Variants in PDE4D observed in about 807,000 individuals in gnomAD.
PDE4D encodes the protein 3',5'-cyclic-AMP phosphodiesterase 4D.
PDE4D carries 24 observed loss-of-function variants against 87.4 expected under a neutral mutation model. The ratio of observed to expected loss-of-function variants is 0.27; its 90% confidence interval spans 0.20 to 0.39. The LOEUF (loss-of-function observed/expected upper bound fraction) is 0.39, where lower values mean the gene tolerates loss of function less well. PDE4D is among the 10% of genes least tolerant of loss of function. The pLI is 1.00. For missense variants in PDE4D, 714 were observed against 1,041.0 expected (o/e 0.69, Z 4.32); for synonymous variants, 384 against 383.2 (o/e 1.00, Z -0.02).
intron 1 of PDE4D, among the ~76,000 whole-genome samples, chr5:59,296,799 G>A (rs533536450): frequency 1.9e-4 from 29 of 151,522 alleles, no homozygotes; most frequent in East Asian, 1.7e-3. Context: ...ACACACACAC[G>A]CGTGCATGCA....
chr5:59,447,044 A>C (rs752815391), intron 1 of PDE4D, among the ~76,000 whole-genome samples: 6 of 152,250 alleles, frequency 3.9e-5, no homozygotes, highest in Admixed American at 2.6e-4. Context: ...AATGAGGGTC[A>C]GACTGGTCAG....
At chr5:59,914,462 C>A (rs1364974774) in intron 3 of PDE4D, among the ~76,000 whole-genome samples, 4 of 151,444 alleles carry the variant, frequency 2.6e-5, no homozygotes, top group African/African-American at 9.7e-5. Flanking sequence ...TGGGGCAGGG[C>A]AAGACAACTA....
At chr5:60,086,766 A>G (rs1475573987) in intron 2 of PDE4D, among the ~76,000 whole-genome samples, 2 of 152,272 alleles carry the variant, frequency 1.3e-5, no homozygotes, top group Non-Finnish European at 2.9e-5. Context: ...CAGTCCCATC[A>G]TATGGGAACC....
At chr5:59,027,137 T>G (rs573803473) in intron 6 of PDE4D, among the ~76,000 whole-genome samples, 1 of 152,310 alleles carries the variant, frequency 6.6e-6, no homozygotes, top group East Asian at 1.9e-4. Context: ...GGAGTACTGG[T>G]CAAATACTGG....
At chr5:59,870,158 T>C (rs981273595) in intron 1 of PDE4D, among the ~76,000 whole-genome samples, 2 of 152,218 alleles carry the variant, frequency 1.3e-5, no homozygotes, top group African/African-American at 4.8e-5. Context: ...AAGGAACATT[T>C]CTTCTTTTGC....
intron 2 of PDE4D, among the ~76,000 whole-genome samples, chr5:60,061,910 T>C (rs1582449988): frequency 6.6e-6 from 1 of 151,964 alleles, no homozygotes; most frequent in Non-Finnish European, 1.5e-5. Flanking sequence ...TATACAAAAA[T>C]CAACTCAAGA....
intron 1 of PDE4D, among the ~76,000 whole-genome samples, chr5:59,239,277 T>G (rs1425748213): frequency 6.6e-6 from 1 of 152,218 alleles, no homozygotes; most frequent in African/African-American, 2.4e-5. Context: ...TTGGCAACAC[T>G]GATCACGTTG....
chr5:60,002,183 A>G (rs1472352257), intron 2 of PDE4D, among the ~76,000 whole-genome samples: 1 of 152,034 alleles, frequency 6.6e-6, no homozygotes, highest in Non-Finnish European at 1.5e-5. Context: ...AGCCTTAAGG[A>G]TACACATAGG....
chr5:58,992,124 A>AGGAAACTTTTT, intron 7 of PDE4D, 120 bp from the exon 8 acceptor site: 1 of 673,322 alleles, frequency 1.5e-6, no homozygotes, highest in Non-Finnish European at 2.2e-6. Context: ...TCCAACTAAA[A>AGGAAACTTTTT]AGTTTCCTTT....
At chr5:59,039,240 A>G in intron 5 of PDE4D, 2 of 1,236,572 alleles carry the variant, frequency 1.6e-6, no homozygotes, top group Non-Finnish European at 2.0e-6. Context: ...CGGCGAGCCA[A>G]CTTTCACACA....
intron 6 of PDE4D, among the ~76,000 whole-genome samples, chr5:59,025,551 T>C (rs758463112): frequency 1.2e-4 from 18 of 152,200 alleles, no homozygotes; most frequent in Non-Finnish European, 1.8e-4. Context: ...TCCTTCTCTA[T>C]TGGGTTTGGA....
At chr5:60,307,914 A>C (rs2149807373) in intron 1 of PDE4D, among the ~76,000 whole-genome samples, 1 of 152,206 alleles carries the variant, frequency 6.6e-6, no homozygotes, top group South Asian at 2.1e-4. Flanking sequence ...GGTGGTGGAC[A>C]CCTGTAATCC....
At chr5:59,838,628 C>T (rs1581355498) in intron 1 of PDE4D, among the ~76,000 whole-genome samples, 1 of 152,014 alleles carries the variant, frequency 6.6e-6, no homozygotes, top group Non-Finnish European at 1.5e-5. Flanking sequence ...TTTTCCATGA[C>T]CCTTAAATTG....
chr5:59,096,653 A>G (rs1294478771), intron 5 of PDE4D, among the ~76,000 whole-genome samples: 1 of 152,246 alleles, frequency 6.6e-6, no homozygotes, highest in African/African-American at 2.4e-5. Context: ...TGGATAGAGC[A>G]GAGAATGAAG....
At position 59,361,093 on chromosome 5, in the gene PDE4D, T is replaced by G. The variant is rs535037925; in HGVS notation, c.456-145125A>C. 6.6e-5 allele frequency among the ~76,000 whole-genome samples: 10 copies of G among 152,292 alleles called. No individual in the cohort carries two copies. The East Asian group carries it at 1.9e-3, about 29-fold the overall frequency. On this transcript the variant is annotated intron_variant, in intron 1 of 14. Transcript: ENST00000340635. ...TTTTTTTAGCAATTTGGAAAACAAC[T>G]AAGTCAAGCTTTTCTATTCACTAAA...
Position 59,928,296 on chromosome 5 carries a change from C to A in PDE4D, c.272+60192G>T, listed in dbSNP as rs918602249. Among the ~76,000 whole-genome samples the A allele has an allele frequency of 3.2e-4, 48 of 152,128 alleles. 2 individuals carry two copies. Among genetic ancestry groups the A allele is most frequent in the Non-Finnish European group, 1.5e-5 (1 of 68,024 alleles). Reference sequence around the variant, plus strand: ...AGAGGGAGTTTCAACAAGTTTTGAGCTTTTAAACAGTAGAAAAGGATAAAG... The same window carrying A: ...AGAGGGAGTTTCAACAAGTTTTGAGATTTTAAACAGTAGAAAAGGATAAAG... On this transcript the variant is annotated intron_variant, in intron 3 of 16. Coordinates refer to the PDE4D transcript ENST00000502484.
At chr5:60,295,629 T>C (rs1346478427) in intron 1 of PDE4D, among the ~76,000 whole-genome samples, 1 of 152,154 alleles carries the variant, frequency 6.6e-6, no homozygotes, top group Non-Finnish European at 1.5e-5. Flanking sequence ...GCTGTGACAA[T>C]GTCTCCAGAC....
intron 1 of PDE4D, among the ~76,000 whole-genome samples, chr5:59,391,923 A>G (rs1303122797): frequency 6.7e-6 from 1 of 148,812 alleles, no homozygotes; most frequent in African/African-American, 2.4e-5. Context: ...CATATTTTTA[A>G]ATATAGATAT....
chr5:60,118,624 A>T (rs940830744), intron 2 of PDE4D, among the ~76,000 whole-genome samples: 1 of 150,230 alleles, frequency 6.7e-6, no homozygotes, highest in African/African-American at 2.5e-5. Context: ...TAAATAAATA[A>T]ATAAAACATG....
Sources: allele counts gnomAD v4.1 joint callset (sites outside exome capture counted in the v4.1 genomes callset), GRCh38; gene constraint gnomAD v4.1.1; transcripts MANE v1.5; gene names NCBI Gene and HGNC (gene_info 2026-07-23, HGNC 2026-07-21).